Variants in MMEL1 observed in about 807,000 individuals in gnomAD.
The protein encoded by MMEL1 is membrane metallo-endopeptidase-like 1.
Under a neutral mutation model 117.1 loss-of-function variants are expected in MMEL1, and 98 were observed. The observed-to-expected ratio is 0.84, with a 90% CI of 0.71 to 0.99. The LOEUF is 0.99. Ranked by LOEUF, MMEL1 falls within the 50% of genes least tolerant of loss-of-function variation. MMEL1 has a pLI of 0.00. For missense variants in MMEL1, 1,014 were observed against 1,049.1 expected (o/e 0.97, Z 0.46); for synonymous variants, 390 against 415.1 (o/e 0.94, Z 0.74).
intron 2 of MMEL1, among the ~76,000 whole-genome samples, chr1:2,618,572 T>G (rs921369602): frequency 6.6e-6 from 1 of 152,182 alleles, no homozygotes; most frequent in Non-Finnish European, 1.5e-5. Flanking sequence ...ACACCCTCCC[T>G]GGAGGATGTG....
At chr1:2,629,195 G>A in intron 2 of MMEL1, 136 bp downstream of exon 2, 1 of 933,324 alleles carries the variant, frequency 1.1e-6, no homozygotes, top group South Asian at 2.0e-5. Flanking sequence ...GAGCCCCTGG[G>A]TGCCCAGTGC....
chr1:2,630,865 CGT>C (rs1218631040), intron 1 of MMEL1, among the ~76,000 whole-genome samples: 3 of 144,456 alleles, frequency 2.1e-5, no homozygotes, highest in African/African-American at 7.8e-5. Context: ...CGTGTACTCT[CGT>C]GTGTGCATGT....
In MMEL1 at chr1:2,604,195, C is replaced by A; in HGVS notation, c.903G>T (p.Val301=). 6.2e-7 allele frequency: 1 copy of A among 1,612,662 alleles called. No homozygotes were observed. Among genetic ancestry groups the A allele is most frequent in the Non-Finnish European group, 8.5e-7 (1 of 1,179,872 alleles). ...CCAGCACCTGCACCATGTCCTCCTG[C>A]ACCAGGCAGCTGTCCCTGGGCAGGT... ...DANLPRDSCL[V]QEDMVQVLEL... Residue 301 remains valine, a synonymous_variant, in exon 10 of 24, where the codon GTG becomes GTT. Coordinates refer to ENST00000378412, the MANE Select transcript of MMEL1 (RefSeq NM_033467.4).
intron 11 of MMEL1, among the ~76,000 whole-genome samples, chr1:2,602,760 C>T (rs1441380952): frequency 1.3e-5 from 2 of 152,196 alleles, no homozygotes; most frequent in Non-Finnish European, 2.9e-5. Context: ...GCTGGGAGTC[C>T]CTGCCCCAGA....
At chr1:2,630,428 A>G (rs1315297989) in intron 1 of MMEL1, among the ~76,000 whole-genome samples, 1 of 152,098 alleles carries the variant, frequency 6.6e-6, no homozygotes, top group Non-Finnish European at 1.5e-5. Flanking sequence ...GTGCATGTGC[A>G]TGACTGCATG....
At chr1:2,594,086 G>A in intron 18 of MMEL1, 153 bp from the exon 19 acceptor site, 5 of 1,077,732 alleles carry the variant, frequency 4.6e-6, no homozygotes, top group Non-Finnish European at 6.5e-6. Flanking sequence ...TGAAGACACG[G>A]AGGTTCAGAG....
chr1:2,596,940 G>C (rs1644852554), intron 13 of MMEL1, among the ~76,000 whole-genome samples: 1 of 152,058 alleles, frequency 6.6e-6, no homozygotes, highest in Non-Finnish European at 1.5e-5. Context: ...AGGAGTTGGG[G>C]GGGTTCCTCC....
chr1:2,606,945 T>C, intron 7 of MMEL1, 29 bp downstream of exon 7: 2 of 1,596,742 alleles, frequency 1.3e-6, no homozygotes, highest in Non-Finnish European at 1.7e-6. Flanking sequence ...TTTGTCTGTC[T>C]GTGAGGCTGC....
chr1:2,598,893 T>C, intron 11 of MMEL1, 103 bp from the exon 12 acceptor site: 1 of 988,716 alleles, frequency 1.0e-6, no homozygotes, highest in South Asian at 1.7e-5. Flanking sequence ...GTTCAAGGAA[T>C]AAGAGAGAAG....
At chr1:2,594,304 G>A in intron 18 of MMEL1, 81 bp downstream of exon 18, 3 of 1,419,312 alleles carry the variant, frequency 2.1e-6, no homozygotes, top group Non-Finnish European at 2.9e-6. Context: ...CCAGGAGGAA[G>A]GGATGGGCAG....
At chr1:2,596,244 AGGTGTGGGGCC>A in intron 14 of MMEL1, 137 bp from the exon 15 acceptor site, 1 of 809,122 alleles carries the variant, frequency 1.2e-6, no homozygotes, top group South Asian at 1.6e-5. Flanking sequence ...CTCTCAGGTG[AGGTGTGGGGCC>A]GGTGGGGGGA....
At position 2,629,340 on chromosome 1, in the gene MMEL1, C is replaced by G; in HGVS notation, c.145G>C (p.Asp49His). 1 of 1,538,090 alleles carries G rather than the reference C, an allele frequency of 6.5e-7. No individual in the cohort carries two copies. The highest frequency in any genetic ancestry group is 8.7e-7 in the Non-Finnish European group (1 of 1,144,558). ...GGGCACCCGCACTCACCTCTGCGGT[C>G]GGCGTAGAGGACACCCAAGGCCACC... ...ALVALGVLYA[D>H]RRGKQLPRLA... is the part of the protein sequence containing the mutation. Residue 49 changes from aspartate to histidine, a missense_variant, in exon 2 of 24, where the codon GAC becomes CAC. Physicochemically the swap from Asp to His is moderately conservative, Grantham distance 81. Coordinates refer to ENST00000378412, the MANE Select transcript of MMEL1 (RefSeq NM_033467.4).
At chr1:2,604,707 A>G (rs1381794928) in intron 9 of MMEL1, among the ~76,000 whole-genome samples, 1 of 152,004 alleles carries the variant, frequency 6.6e-6, no homozygotes, top group Non-Finnish European at 1.5e-5. Context: ...TCCCGGCCTG[A>G]GTGTCTGGAG....
rs1168667721 is a variant in MMEL1 at position 2,604,322 on chromosome 1, C to G, written c.817-41G>C. ...CCGGGCAGAGCTGGGTGGCCTCAGC[C>G]ACCATGGCCCCCAGGGAGTTTTCTG... On this transcript the variant is annotated intron_variant, in intron 9 of 23. Transcript: ENST00000378412. 3 of 1,604,448 alleles carry G rather than the reference C, an allele frequency of 1.9e-6. No homozygotes were observed. The East Asian group carries it at 6.7e-5, about 36-fold the overall frequency.
rs976793369 is a variant in MMEL1, at chr1:2,612,271, C to T, written c.155-67G>A. 2 of 1,381,740 alleles carry T rather than the reference C, an allele frequency of 1.4e-6. No homozygotes were observed. The highest frequency in any genetic ancestry group is 2.0e-6 in the Non-Finnish European group (2 of 994,628). The allele number at this position is 1,381,740 out of a possible 1,614,324, so 85.6% of individuals were successfully genotyped here. On this transcript the variant is annotated intron_variant, in intron 2 of 23. Transcript: ENST00000378412. This position sits in a 1 kb window ranked among gnomAD's most constrained non-coding sequence, Gnocchi z 5.4. ...AGCTCCCTGGGGGTGCTGGGGGCCTCCCTGGGTCAGCACGCCATCTTCCCA... is the reference window on the plus strand; with the variant it reads ...AGCTCCCTGGGGGTGCTGGGGGCCTTCCTGGGTCAGCACGCCATCTTCCCA...
At chr1:2,609,186 G>A (rs1027668451) in intron 6 of MMEL1, among the ~76,000 whole-genome samples, 153 bp downstream of exon 6, 4 of 152,228 alleles carry the variant, frequency 2.6e-5, no homozygotes, top group East Asian at 3.9e-4. Flanking sequence ...GGCTGGGAGC[G>A]GGACACAGCA....
In MMEL1 at chr1:2,631,997, G is replaced by A. The variant is rs560062682; in HGVS notation, c.-38+869C>T. ...TAGCCAAACCCTTGGAGGAAGAGCC[G>A]GGCCTTGCCCTGATGTCAGGACCCT... is the stretch of plus-strand genomic sequence containing the variant. On this transcript the variant is annotated intron_variant, in intron 1 of 23. Transcript: ENST00000378412. Among the ~76,000 whole-genome samples the A allele has an allele frequency of 1.5e-3, 228 of 152,284 alleles. 12 individuals are homozygous for A. In the South Asian group the frequency reaches 0.045, roughly 30 times the overall value.
chr1:2,617,421 C>T (rs1296773559), intron 2 of MMEL1, among the ~76,000 whole-genome samples: 18 of 105,098 alleles, frequency 1.7e-4, no homozygotes, highest in South Asian at 3.3e-4. Context: ...AGAGAGACTC[C>T]GTCTCAAAAA....
intron 11 of MMEL1, among the ~76,000 whole-genome samples, chr1:2,599,990 C>T (rs1644906846): frequency 6.6e-6 from 1 of 152,028 alleles, no homozygotes; most frequent in Non-Finnish European, 1.5e-5. Flanking sequence ...ATTTTTGAGA[C>T]AGAGTCTCGC....
Sources: gnomAD v4.1 joint callset for allele counts (sites outside exome capture counted in the v4.1 genomes callset) on GRCh38, gnomAD v4.1.1 for gene constraint, Gnocchi (gnomAD v3.1) non-coding constraint, MANE v1.5 for transcripts, NCBI Gene and HGNC (gene_info 2026-07-23, HGNC 2026-07-21) for gene names.